USP32: variants seen among roughly 807,000 people sequenced by gnomAD.
The protein encoded by USP32 is ubiquitin specific peptidase 32, also known as ubiquitin carboxyl-terminal hydrolase 32.
In USP32, 59 loss-of-function variants were observed where a neutral mutation model predicts 204.8. The observed-to-expected ratio is 0.29, with a 90% CI of 0.23 to 0.36. USP32 has a LOEUF of 0.36. USP32 is among the 10% of genes least tolerant of loss of function. The pLI, the probability that USP32 is intolerant of heterozygous loss-of-function variation, is 1.00. For missense variants in USP32, 1,160 were observed against 1,946.4 expected (o/e 0.60, Z 7.60); for synonymous variants, 517 against 678.4 (o/e 0.76, Z 3.70).
intron 1 of USP32, among the ~76,000 whole-genome samples, chr17:60,349,663 AC>A (rs1259065301): frequency 8.9e-6 from 1 of 111,918 alleles, no homozygotes; most frequent in Non-Finnish European, 1.6e-5. Flanking sequence ...ACATATATAT[AC>A]ACATATATAT....
intron 1 of USP32, among the ~76,000 whole-genome samples, chr17:60,382,374 G>A (rs2089659976): frequency 6.6e-6 from 1 of 152,196 alleles, no homozygotes; most frequent in Admixed American, 6.5e-5. Context: ...GTGCACACCT[G>A]TAGTCCCCAC....
chr17:60,297,608 T>C (rs1339481574), intron 3 of USP32, among the ~76,000 whole-genome samples: 2 of 151,738 alleles, frequency 1.3e-5, no homozygotes, highest in Non-Finnish European at 2.9e-5. Flanking sequence ...GCCCAGCTAA[T>C]TTTTGTATTT....
intron 1 of USP32, among the ~76,000 whole-genome samples, chr17:60,371,991 G>A (rs1193001276): frequency 6.6e-6 from 1 of 152,096 alleles, no homozygotes; most frequent in Non-Finnish European, 1.5e-5. Flanking sequence ...ATGCTCATAA[G>A]GTAAACATTT....
rs775417405 is a variant in USP32 at position 60,365,418 on chromosome 17, T to G, written c.59-19810A>C. On this transcript the variant is annotated intron_variant, in intron 1 of 33. Coordinates refer to ENST00000300896, the MANE Select transcript of USP32 (RefSeq NM_032582.4). Reference sequence around the variant, plus strand: ...ATCGCTTGAACACAGAAGGTGAAGGTTGCAGTGAGCCAAGATCAGGCCACT... The same window carrying G: ...ATCGCTTGAACACAGAAGGTGAAGGGTGCAGTGAGCCAAGATCAGGCCACT... 3.6e-4 allele frequency among the ~76,000 whole-genome samples: 54 copies of G among 151,992 alleles called. No individual in the cohort carries two copies. In the Middle Eastern group the frequency reaches 0.014, roughly 38 times the overall value.
chr17:60,213,863 C>G (rs1309430817), intron 17 of USP32, among the ~76,000 whole-genome samples: 1 of 151,718 alleles, frequency 6.6e-6, no homozygotes, highest in African/African-American at 2.4e-5. Context: ...ACTTCATAAG[C>G]GTTATCTTTC....
At chr17:60,294,822 A>C (rs951919040) in intron 3 of USP32, 21 bp from the exon 4 acceptor site, 1 of 1,529,172 alleles carries the variant, frequency 6.5e-7, no homozygotes, top group African/African-American at 1.4e-5. Flanking sequence ...GAAAGATAGA[A>C]TAAATTAATC....
At chr17:60,276,465 G>A (rs1199898754) in intron 5 of USP32, among the ~76,000 whole-genome samples, 1 of 152,034 alleles carries the variant, frequency 6.6e-6, no homozygotes, top group Non-Finnish European at 1.5e-5. Context: ...TTCCTCCAGA[G>A]AAACACTAGC....
At chr17:60,330,273 G>A (rs750570420) in intron 2 of USP32, among the ~76,000 whole-genome samples, 113 of 151,958 alleles carry the variant, frequency 7.4e-4, no homozygotes, top group Non-Finnish European at 1.2e-3. Flanking sequence ...GCTGTTCTAC[G>A]CTTTTCATCC....
chr17:60,249,696 T>C (rs537926125), intron 11 of USP32: 8 of 700,240 alleles, frequency 1.1e-5, no homozygotes, highest in Admixed American at 1.0e-4. Context: ...CAAGGATTAG[T>C]AGTTCTTGAA....
At chr17:60,415,482 G>T (rs1052243644) in intron 1 of USP32, among the ~76,000 whole-genome samples, 2 of 152,180 alleles carry the variant, frequency 1.3e-5, no homozygotes, top group East Asian at 1.9e-4. Flanking sequence ...CACAAGCTTA[G>T]GTTAGACTTG....
chr17:60,334,289 A>G (rs905469323), intron 2 of USP32, among the ~76,000 whole-genome samples: 2 of 152,132 alleles, frequency 1.3e-5, no homozygotes, highest in African/African-American at 4.8e-5. Context: ...GTTTGTATGC[A>G]TAAGGTTTGA....
intron 2 of USP32, among the ~76,000 whole-genome samples, chr17:60,331,768 T>C (rs1315341845): frequency 1.4e-5 from 2 of 146,174 alleles, no homozygotes; most frequent in Non-Finnish European, 1.5e-5. Context: ...CATAGTGGCA[T>C]GCACTTGTAG....
rs1361371818 is a variant in USP32 at position 60,216,246 on chromosome 17, AGGG to A, written c.1868-1475_1868-1473del. Among the ~76,000 whole-genome samples, 191 of 150,638 alleles carry A rather than the reference AGGG, an allele frequency of 1.3e-3. 1 individual carries two copies. Among genetic ancestry groups the A allele is most frequent in the African/African-American group, 4.4e-3 (180 of 40,796 alleles). On this transcript the variant is annotated intron_variant, in intron 16 of 33. Transcript: ENST00000300896. ...GTCTCACTACATACTTCAAAAGAGG[AGGG>A]GTATGAAATGACAAGAGATTATGGA...
In USP32 at chr17:60,341,732, G is replaced by A. The variant is rs192182472; in HGVS notation, c.186+3749C>T. On this transcript the variant is annotated intron_variant, in intron 2 of 33. Coordinates refer to ENST00000300896, the MANE Select transcript of USP32 (RefSeq NM_032582.4). ...TGTGCATGCATCACGAAGTTCTCGC[G>A]CCATGGTTTTCAGCTCCATCAGGTC... Among the ~76,000 whole-genome samples the A allele has an allele frequency of 2.2e-3, 334 of 152,150 alleles. 4 individuals carry two copies. The highest frequency in any genetic ancestry group is 7.5e-3 in the African/African-American group (313 of 41,508).
At chr17:60,284,911 T>C (rs534883901) in intron 5 of USP32, among the ~76,000 whole-genome samples, 28 of 152,304 alleles carry the variant, frequency 1.8e-4, no homozygotes, top group African/African-American at 5.5e-4. Flanking sequence ...TGTCTCCTCT[T>C]TGTAATTTTT....
chr17:60,217,144 C>T (rs2468996), intron 16 of USP32, among the ~76,000 whole-genome samples: 3 of 152,194 alleles, frequency 2.0e-5, no homozygotes, highest in Non-Finnish European at 2.9e-5. Context: ...ATTAAGCAGG[C>T]AGCCACTTAC....
intron 21 of USP32, among the ~76,000 whole-genome samples, chr17:60,210,701 G>A (rs1485182213): frequency 6.6e-6 from 1 of 152,244 alleles, no homozygotes; most frequent in Non-Finnish European, 1.5e-5. Context: ...CCACCTTGCA[G>A]TTAGAATACT....
At chr17:60,261,987 C>T (rs2086464274) in intron 9 of USP32, among the ~76,000 whole-genome samples, 1 of 152,116 alleles carries the variant, frequency 6.6e-6, no homozygotes, top group African/African-American at 2.4e-5. Flanking sequence ...TATACTGACA[C>T]CTGAGTAATA....
intron 11 of USP32, among the ~76,000 whole-genome samples, chr17:60,243,938 A>G (rs951413258): frequency 6.6e-6 from 1 of 151,130 alleles, no homozygotes; most frequent in East Asian, 1.9e-4. Context: ...AAGTGATTTT[A>G]GTTCACGTAT....
Sources: gnomAD v4.1 joint callset for allele counts (sites outside exome capture counted in the v4.1 genomes callset) on GRCh38, gnomAD v4.1.1 for gene constraint, MANE v1.5 for transcripts, NCBI Gene and HGNC (gene_info 2026-07-23, HGNC 2026-07-21) for gene names.